GRHL2: variants seen among roughly 807,000 people sequenced by gnomAD.
GRHL2 encodes grainyhead-like protein 2 homolog.
Under a neutral mutation model 83.8 loss-of-function variants are expected in GRHL2, and 21 were observed. The observed-to-expected ratio is 0.25, with a 90% CI of 0.18 to 0.36. GRHL2 has a LOEUF of 0.36. GRHL2 is among the 10% of genes least tolerant of loss of function. GRHL2 has a pLI of 1.00. For missense variants in GRHL2, 623 were observed against 781.8 expected (o/e 0.80, Z 2.42); for synonymous variants, 280 against 278.9 (o/e 1.00, Z -0.04).
chr8:101,652,397 GTCTGGT>G (rs1813661538), intron 14 of GRHL2, among the ~76,000 whole-genome samples: 2 of 54,986 alleles, frequency 3.6e-5, no homozygotes, highest in Non-Finnish European at 6.1e-5. Context: ...GTGTGTGTGT[GTCTGGT>G]GTGTGTGTGG....
At chr8:101,638,917 C>G (rs546578801) in intron 12 of GRHL2, among the ~76,000 whole-genome samples, 2 of 152,214 alleles carry the variant, frequency 1.3e-5, no homozygotes, top group African/African-American at 4.8e-5. Context: ...CAGTGTGAAG[C>G]CTTGGGCCAG....
chr8:101,503,289 T>A lies in GRHL2; in HGVS notation c.20+10500T>A, dbSNP rs1342861166. 2.0e-5 allele frequency among the ~76,000 whole-genome samples: 3 copies of A among 152,288 alleles called. No homozygotes were observed. In the East Asian group the frequency reaches 5.8e-4, roughly 29 times the overall value. ...GTATCTTACATATTTTGGAAAATAATTTTAAAAAGAACAAATACCTCAATA... is the reference window on the plus strand; with the variant it reads ...GTATCTTACATATTTTGGAAAATAAATTTAAAAAGAACAAATACCTCAATA... On this transcript the variant is annotated intron_variant, in intron 1 of 15. Transcript: ENST00000646743.
intron 8 of GRHL2, among the ~76,000 whole-genome samples, chr8:101,616,331 C>A (rs1023256921): frequency 6.6e-6 from 1 of 151,878 alleles, no homozygotes; most frequent in Admixed American, 6.6e-5. Flanking sequence ...CCACCATACC[C>A]AGCTAATTTT....
intron 1 of GRHL2, among the ~76,000 whole-genome samples, chr8:101,494,808 A>T (rs187369215): frequency 2.0e-5 from 3 of 152,346 alleles, no homozygotes; most frequent in African/African-American, 7.2e-5. Flanking sequence ...TGGTTTCACC[A>T]CACGCATCAC....
At chr8:101,614,020 G>A (rs2032120) in intron 8 of GRHL2, among the ~76,000 whole-genome samples, 44,145 of 150,372 alleles carry the variant, frequency 0.29, 7,626 homozygotes, top group African/African-American at 0.37. Flanking sequence ...TCAAAGGTAG[G>A]CCCATTTATT....
intron 13 of GRHL2, among the ~76,000 whole-genome samples, chr8:101,648,617 G>A (rs900350399): frequency 3.3e-5 from 5 of 152,172 alleles, no homozygotes; most frequent in Non-Finnish European, 7.3e-5. Context: ...CACAGCAGGG[G>A]TTGCACTCTG....
intron 7 of GRHL2, among the ~76,000 whole-genome samples, chr8:101,583,581 G>A (rs1257450808): frequency 6.6e-6 from 1 of 152,212 alleles, no homozygotes; most frequent in Non-Finnish European, 1.5e-5. Context: ...TCTACACATA[G>A]AACAGGCTGG....
intron 1 of GRHL2, among the ~76,000 whole-genome samples, chr8:101,497,550 A>C (rs1563550665): frequency 6.6e-6 from 1 of 152,222 alleles, no homozygotes; most frequent in East Asian, 1.9e-4. Context: ...CTCCACAGGA[A>C]TTTCTAAAAT....
chr8:101,609,258 G>T (rs1351846753), intron 8 of GRHL2, among the ~76,000 whole-genome samples: 1 of 150,594 alleles, frequency 6.6e-6, no homozygotes, highest in East Asian at 1.9e-4. Context: ...GGCCACCAAA[G>T]TCCAATGGTT....
At chr8:101,509,187 T>TCTTCTTTCTTTCTTGC (rs5893565) in intron 1 of GRHL2, among the ~76,000 whole-genome samples, 1 of 21,054 alleles carries the variant, frequency 4.7e-5, no homozygotes, top group African/African-American at 8.1e-5. Context: ...TTTCTTTCTT[T>TCTTCTTTCTTTCTTGC]TCTCTCTTTC....
chr8:101,674,858 C>A, the GRHL2 span, among the ~76,000 whole-genome samples: 15 of 152,044 alleles, frequency 9.9e-5, no homozygotes, highest in African/African-American at 1.9e-4. Flanking sequence ...AGCTTATCCA[C>A]CATGATCAAG....
chr8:101,559,410 A>G (rs1217081874), intron 4 of GRHL2, among the ~76,000 whole-genome samples: 1 of 150,470 alleles, frequency 6.6e-6, no homozygotes, highest in Non-Finnish European at 1.5e-5. Flanking sequence ...GGCACCTGTA[A>G]TTCCAGATAC....
chr8:101,509,209 TTGTGTGTGTGTGTG>T (rs59898617), intron 1 of GRHL2, among the ~76,000 whole-genome samples: 8 of 53,740 alleles, frequency 1.5e-4, no homozygotes, highest in East Asian at 1.1e-3. Context: ...TTCTTTCTTC[TTGTGTGTGTGTGTG>T]TGTGTGTGTG....
chr8:101,501,514 A>T (rs905750447), intron 1 of GRHL2, among the ~76,000 whole-genome samples: 5 of 152,148 alleles, frequency 3.3e-5, no homozygotes, highest in Non-Finnish European at 2.9e-5. Context: ...GAGAAAGGAG[A>T]GGACAGAAGG....
At chr8:101,643,631 G>A (rs1174295669) in intron 12 of GRHL2, among the ~76,000 whole-genome samples, 1 of 152,200 alleles carries the variant, frequency 6.6e-6, no homozygotes, top group African/African-American at 2.4e-5. Context: ...CAGAGGGAGA[G>A]GTGGAATGGC....
chr8:101,549,968 G>A (rs2130144144), intron 2 of GRHL2, among the ~76,000 whole-genome samples: 1 of 152,058 alleles, frequency 6.6e-6, no homozygotes, highest in East Asian at 1.9e-4. Flanking sequence ...GTGCTCTCTA[G>A]TGGGGTGGGC....
At chr8:101,601,259 G>C (rs1812509687) in intron 8 of GRHL2, among the ~76,000 whole-genome samples, 1 of 151,934 alleles carries the variant, frequency 6.6e-6, no homozygotes, top group African/African-American at 2.4e-5. Flanking sequence ...CTATAACTAT[G>C]AGCTGTAATC....
chr8:101,621,583 C>T (rs1185872856), intron 9 of GRHL2, among the ~76,000 whole-genome samples: 1 of 151,920 alleles, frequency 6.6e-6, no homozygotes, highest in African/African-American at 2.4e-5. Flanking sequence ...AGAGAAAATA[C>T]AGATACAGAA....
chr8:101,514,503 C>A (rs1810529890), intron 1 of GRHL2, among the ~76,000 whole-genome samples: 1 of 152,146 alleles, frequency 6.6e-6, no homozygotes, highest in South Asian at 2.1e-4. Context: ...AAGAAAGCTT[C>A]CTCAAAGCCC....
Sources: allele counts gnomAD v4.1 joint callset (sites outside exome capture counted in the v4.1 genomes callset), GRCh38; gene constraint gnomAD v4.1.1; transcripts MANE v1.5; gene names NCBI Gene and HGNC (gene_info 2026-07-23, HGNC 2026-07-21).